The following VEPH1 variants were observed in gnomAD, a reference collection of about 807,000 sequenced individuals.
VEPH1 encodes ventricular zone-expressed PH domain-containing protein homolog 1.
VEPH1 carries 80 observed loss-of-function variants against 85.2 expected under a neutral mutation model. That is an observed-to-expected ratio of 0.94 (90% confidence interval 0.78 to 1.13). The LOEUF (loss-of-function observed/expected upper bound fraction) is 1.13, where lower values mean the gene tolerates loss of function less well. Ranked by LOEUF, VEPH1 falls within the 50% of genes most tolerant of loss-of-function variation. The probability of loss-of-function intolerance (pLI) is 0.00; values close to 1 mark genes in which losing one functional copy is unlikely to be tolerated. For synonymous variants in VEPH1, 297 were observed against 348.0 expected (o/e 0.85, Z 1.63); for missense variants, 955 against 980.5 (o/e 0.97, Z 0.35).
Position 157,363,409 on chromosome 3 carries a change from C to G in VEPH1, c.1690G>C (p.Glu564Gln), listed in dbSNP as rs1726271936. 1 of 1,611,018 alleles carries G rather than the reference C, an allele frequency of 6.2e-7. No homozygotes were observed. Among genetic ancestry groups the G allele is most frequent in the African/African-American group, 1.3e-5 (1 of 74,416 alleles). ...NLSKVKAYAM[E>Q]IGKKIPVPDQ... The stretch of plus-strand genomic sequence containing the variant: ...GGGACTGGAATCTTCTTTCCAATTT[C>G]CATGGCATATGCTTTCACTTTGCTG... Residue 564 changes from glutamate (E) to glutamine (Q), a missense_variant, in exon 9 of 14, where the codon GAA (glutamate) becomes CAA (glutamine). By Grantham distance (29) the Glu-to-Gln change is conservative. Coordinates refer to ENST00000362010, the MANE Select transcript of VEPH1 (RefSeq NM_001167912.2).
chr3:157,304,512 A>T (rs1232986287), intron 11 of VEPH1, among the ~76,000 whole-genome samples: 1 of 152,130 alleles, frequency 6.6e-6, no homozygotes, highest in East Asian at 1.9e-4. Flanking sequence ...GTCCTCTGAT[A>T]ATCAGAGTGC....
intron 6 of VEPH1, among the ~76,000 whole-genome samples, chr3:157,401,646 A>T (rs1560034070): frequency 6.6e-6 from 1 of 152,156 alleles, no homozygotes; most frequent in Non-Finnish European, 1.5e-5. Context: ...TTAGCTAGGG[A>T]AAGTTTGATG....
At chr3:157,402,026 T>C (rs1012711162) in intron 6 of VEPH1, among the ~76,000 whole-genome samples, 5 of 152,190 alleles carry the variant, frequency 3.3e-5, no homozygotes, top group Admixed American at 1.3e-4. Flanking sequence ...GATAGGGTTA[T>C]GTTGAGATCT....
At chr3:157,481,028 AT>A (rs765948494) in intron 2 of VEPH1, among the ~76,000 whole-genome samples, 51 of 151,946 alleles carry the variant, frequency 3.4e-4, no homozygotes, top group Non-Finnish European at 4.9e-4. Context: ...TGTGATTTTG[AT>A]TTGCATTTCT....
Position 157,428,356 on chromosome 3 carries a change from A to G in VEPH1, c.662T>C (p.Leu221Pro). Residue 221 changes from leucine to proline, a missense_variant, in exon 5 of 14, where the codon CTT (leucine) becomes CCT (proline). Physicochemically the swap from Leu to Pro is moderately conservative, Grantham distance 98. Transcript: ENST00000362010. ...EQPEQYHLLR[L>P]LHVAAKKKQL... ...TTTTTTCTTTGCTGCTACATGCAAAAGCCGTAGTAGATGGTACTGTTCTGG... is the reference window on the plus strand; with the variant it reads ...TTTTTTCTTTGCTGCTACATGCAAAGGCCGTAGTAGATGGTACTGTTCTGG... 1 of 1,614,158 alleles carries G rather than the reference A, an allele frequency of 6.2e-7. No homozygotes were observed.
chr3:157,334,553 A>G (rs1245693705), intron 9 of VEPH1, among the ~76,000 whole-genome samples: 1 of 152,194 alleles, frequency 6.6e-6, no homozygotes, highest in East Asian at 1.9e-4. Flanking sequence ...GGAAATGTCT[A>G]CCAGCATCAC....
At chr3:157,396,293 C>A (rs12636038) in intron 6 of VEPH1, among the ~76,000 whole-genome samples, 101,267 of 152,068 alleles carry the variant, frequency 0.67, 34,020 homozygotes, top group South Asian at 0.75. Context: ...TGGCTGAATA[C>A]TATTCCATGG....
At chr3:157,468,318 C>A (rs755367565) in intron 3 of VEPH1, among the ~76,000 whole-genome samples, 3 of 152,132 alleles carry the variant, frequency 2.0e-5, no homozygotes, top group African/African-American at 4.8e-5. Flanking sequence ...AAATGCACAT[C>A]AGATATGTAA....
chr3:157,420,454 T>C (rs1027393939), intron 5 of VEPH1, among the ~76,000 whole-genome samples: 1 of 152,212 alleles, frequency 6.6e-6, no homozygotes, highest in African/African-American at 2.4e-5. Context: ...TTAATTACTT[T>C]GGCTAGCATT....
At chr3:157,358,153 G>A (rs1465928515) in intron 9 of VEPH1, among the ~76,000 whole-genome samples, 2 of 152,206 alleles carry the variant, frequency 1.3e-5, no homozygotes, top group African/African-American at 4.8e-5. Flanking sequence ...GACTGGGATT[G>A]GGATATGTGT....
At chr3:157,420,242 G>T (rs1732228221) in intron 5 of VEPH1, among the ~76,000 whole-genome samples, 1 of 151,964 alleles carries the variant, frequency 6.6e-6, no homozygotes, top group Non-Finnish European at 1.5e-5. Context: ...TAATACCCAG[G>T]TGATGGGTTG....
intron 12 of VEPH1, among the ~76,000 whole-genome samples, chr3:157,281,533 G>A (rs970327044): frequency 1.3e-5 from 2 of 151,452 alleles, no homozygotes; most frequent in South Asian, 2.1e-4. Flanking sequence ...CATCAAAATC[G>A]AGTTTTCTTT....
At chr3:157,289,437 G>A (rs1446601511) in intron 11 of VEPH1, among the ~76,000 whole-genome samples, 1 of 152,198 alleles carries the variant, frequency 6.6e-6, no homozygotes, top group Non-Finnish European at 1.5e-5. Context: ...TAGGTGTTGT[G>A]CTAAAGGATA....
rs6786828 is a variant in VEPH1 at position 157,498,234 on chromosome 3, G to C, written c.-157-2728C>G. On this transcript the variant is annotated intron_variant, in intron 1 of 13. Transcript: ENST00000362010. ...TCATGTCCCAGCTCAGCTATTCAGC[G>C]ATTATAGGACCTTTAGTTCATGTTG... Among the ~76,000 whole-genome samples, 317 of 152,298 alleles carry C rather than the reference G, an allele frequency of 2.1e-3. 1 individual carries two copies. The highest frequency in any genetic ancestry group is 7.6e-3 in the African/African-American group (314 of 41,550).
chr3:157,332,916 T>C (rs1228058801), intron 9 of VEPH1, among the ~76,000 whole-genome samples: 1 of 152,184 alleles, frequency 6.6e-6, no homozygotes, highest in Admixed American at 6.5e-5. Flanking sequence ...AGAGTGACAT[T>C]TGCCATCACT....
chr3:157,466,846 A>G (rs2109421861), intron 3 of VEPH1, among the ~76,000 whole-genome samples: 1 of 152,358 alleles, frequency 6.6e-6, no homozygotes, highest in South Asian at 2.1e-4. Flanking sequence ...ATGTGTAGAA[A>G]CATATGGCCC....
intron 2 of VEPH1, among the ~76,000 whole-genome samples, chr3:157,491,243 T>C (rs148199488): frequency 0.01 from 1,524 of 152,206 alleles, 18 homozygotes; most frequent in African/African-American, 0.035. Context: ...GCCTGGTGTG[T>C]TTCATTGTTA....
intron 12 of VEPH1, among the ~76,000 whole-genome samples, chr3:157,277,144 G>A (rs1048070961): frequency 3.0e-4 from 46 of 152,142 alleles, no homozygotes; most frequent in Non-Finnish European, 3.7e-4. Context: ...ACCCACCTGG[G>A]CCTCCCAAAA....
At chr3:157,399,288 C>CA (rs1730648257) in intron 6 of VEPH1, among the ~76,000 whole-genome samples, 1 of 152,110 alleles carries the variant, frequency 6.6e-6, no homozygotes, top group Non-Finnish European at 1.5e-5. Flanking sequence ...TGGTAACTTG[C>CA]AAAAAACTTT....
Sources: gnomAD v4.1 joint callset for allele counts (sites outside exome capture counted in the v4.1 genomes callset) on GRCh38, gnomAD v4.1.1 for gene constraint, MANE v1.5 for transcripts, NCBI Gene and HGNC (gene_info 2026-07-23, HGNC 2026-07-21) for gene names.